SORCS1: variants seen among roughly 807,000 people sequenced by gnomAD.
SORCS1 encodes the protein VPS10 domain-containing receptor SorCS1.
In SORCS1, 60 loss-of-function variants were observed where a neutral mutation model predicts 146.1. That is an observed-to-expected ratio of 0.41 (90% confidence interval 0.33 to 0.51). The LOEUF (loss-of-function observed/expected upper bound fraction) is 0.51, where lower values mean the gene tolerates loss of function less well. SORCS1 is among the 20% of genes least tolerant of loss of function. The probability of loss-of-function intolerance (pLI) is 0.21; values close to 1 mark genes in which losing one functional copy is unlikely to be tolerated. For missense variants in SORCS1, 1,352 were observed against 1,487.6 expected, an observed-to-expected ratio of 0.91 and a Z score of 1.50; for synonymous variants, 637 against 584.0, an observed-to-expected ratio of 1.09 and a Z score of -1.31.
In SORCS1 at chr10:106,576,485, A is replaced by G. The variant is rs1844583949; in HGVS notation, c.*935T>C. The G allele has an allele frequency of 1.3e-5, 2 of 152,284 alleles. No homozygotes were observed. The highest frequency in any genetic ancestry group is 4.8e-5 in the African/African-American group (2 of 41,470). The allele number at this position is 152,284 out of a possible 1,614,324, so 9.4% of individuals were successfully genotyped here. On this transcript the variant is annotated 3_prime_UTR_variant, in exon 26 of 26. Coordinates refer to ENST00000263054, the MANE Select transcript of SORCS1 (RefSeq NM_052918.5). ...TGTGAAGACAGGACAATGGGTAACT[A>G]ATGGGATTCCATTTCCTACTGCAGT...
chr10:106,664,214 C>T (rs1589605980), intron 17 of SORCS1, among the ~76,000 whole-genome samples: 1 of 152,170 alleles, frequency 6.6e-6, no homozygotes, highest in South Asian at 2.1e-4. Flanking sequence ...ATTTATATAC[C>T]TGGATGCTTA....
intron 1 of SORCS1, among the ~76,000 whole-genome samples, chr10:107,113,699 A>G (rs1965843668): frequency 6.6e-6 from 1 of 151,256 alleles, no homozygotes; most frequent in South Asian, 2.1e-4. Context: ...CAAAAAAAAA[A>G]AAAAAAAAAG....
chr10:106,600,619 C>T (rs943834123), intron 23 of SORCS1: 19 of 985,194 alleles, frequency 1.9e-5, no homozygotes, highest in Non-Finnish European at 2.3e-5. Flanking sequence ...ATTATATATG[C>T]TGTGAACACT....
chr10:106,720,137 T>A (rs1422003707), intron 6 of SORCS1, among the ~76,000 whole-genome samples: 1 of 152,188 alleles, frequency 6.6e-6, no homozygotes, highest in African/African-American at 2.4e-5. Flanking sequence ...AAATACTTCA[T>A]GCATTTTTTA....
chr10:106,868,436 A>C (rs1213663659), intron 2 of SORCS1, among the ~76,000 whole-genome samples: 1 of 152,188 alleles, frequency 6.6e-6, no homozygotes, highest in Non-Finnish European at 1.5e-5. Flanking sequence ...AAAATCGACC[A>C]CATAACTGGA....
intron 23 of SORCS1, among the ~76,000 whole-genome samples, chr10:106,606,011 A>G (rs1412047068): frequency 6.6e-6 from 1 of 152,190 alleles, no homozygotes; most frequent in African/African-American, 2.4e-5. Flanking sequence ...GAAACAGCCA[A>G]TATTTACTTA....
At chr10:106,979,689 G>A (rs1347607170) in intron 1 of SORCS1, among the ~76,000 whole-genome samples, 1 of 152,104 alleles carries the variant, frequency 6.6e-6, no homozygotes, top group African/African-American at 2.4e-5. Flanking sequence ...GAAGGATATG[G>A]GCTCTCCATT....
intron 1 of SORCS1, among the ~76,000 whole-genome samples, chr10:107,146,855 T>C (rs1968372078): frequency 6.6e-6 from 1 of 152,126 alleles, no homozygotes; most frequent in African/African-American, 2.4e-5. Context: ...GAATAATGAT[T>C]GTGACTACTT....
At position 106,629,324 on chromosome 10, in the gene SORCS1, T is replaced by C. The variant is rs1393924583; in HGVS notation, c.2540A>G (p.Asn847Ser). The part of the protein sequence containing the change: ...FGDGIAVSYV[N>S]LSSMEDGIKH... ...GATCCCATCTTCCATGGAGCTGAGA[T>C]TGACGTAAGACACCGCGATACCATC... Residue 847 changes from asparagine (N) to serine (S), a missense_variant, in exon 19 of 26, where the codon AAT (asparagine) becomes AGT (serine). Physicochemically the swap from Asn to Ser is conservative, Grantham distance 46. This residue lies in a region of SORCS1 where 648 missense variants were observed against 793.8 expected (regional missense o/e 0.82). Transcript: ENST00000263054. 10 of 1,614,072 alleles carry C rather than the reference T, an allele frequency of 6.2e-6. No homozygotes were observed. The highest frequency in any genetic ancestry group is 2.2e-5 in the East Asian group (1 of 44,874).
At chr10:107,003,506 C>T (rs1288790754) in intron 1 of SORCS1, among the ~76,000 whole-genome samples, 2 of 151,132 alleles carry the variant, frequency 1.3e-5, no homozygotes, top group African/African-American at 2.4e-5. Flanking sequence ...TCTTAGCTAT[C>T]TCATACAACA....
intron 1 of SORCS1, among the ~76,000 whole-genome samples, chr10:107,041,992 T>C (rs1959168763): frequency 6.6e-6 from 1 of 152,188 alleles, no homozygotes; most frequent in South Asian, 2.1e-4. Flanking sequence ...ACTGAGTCCA[T>C]AATAAAGATT....
At chr10:106,826,575 G>A (rs1948315124) in intron 3 of SORCS1, among the ~76,000 whole-genome samples, 1 of 152,170 alleles carries the variant, frequency 6.6e-6, no homozygotes, top group African/African-American at 2.4e-5. Context: ...TATGTCCTTT[G>A]GGTGGGCGGA....
At chr10:106,912,046 G>A (rs1952186497) in intron 2 of SORCS1, among the ~76,000 whole-genome samples, 1 of 150,584 alleles carries the variant, frequency 6.6e-6, no homozygotes, top group Admixed American at 6.6e-5. Flanking sequence ...CCAAGAGGTG[G>A]AGCTTACAGT....
intron 23 of SORCS1, 39 bp from the exon 24 acceptor site, chr10:106,597,489 A>AC: frequency 3.4e-6 from 5 of 1,467,532 alleles, no homozygotes; most frequent in Non-Finnish European, 4.8e-6. Context: ...CAAAAGTGTC[A>AC]TACTGATTAT....
chr10:106,763,577 G>A (rs1287155667), intron 4 of SORCS1, among the ~76,000 whole-genome samples: 2 of 152,152 alleles, frequency 1.3e-5, no homozygotes, highest in African/African-American at 2.4e-5. Flanking sequence ...GCCCTGCTAC[G>A]CCTTCACTGA....
At chr10:106,689,207 A>T (rs928715286) in intron 9 of SORCS1, among the ~76,000 whole-genome samples, 4 of 152,194 alleles carry the variant, frequency 2.6e-5, no homozygotes, top group Non-Finnish European at 5.9e-5. Context: ...GTAATTAGTA[A>T]TTTGTCAAAC....
intron 4 of SORCS1, among the ~76,000 whole-genome samples, chr10:106,773,131 C>A (rs775370427): frequency 6.6e-6 from 1 of 152,234 alleles, no homozygotes; most frequent in Non-Finnish European, 1.5e-5. Context: ...TGTAAAACAG[C>A]ATCCAGCAGA....
chr10:106,789,955 G>T (rs1343301000), intron 3 of SORCS1, among the ~76,000 whole-genome samples: 2 of 152,330 alleles, frequency 1.3e-5, no homozygotes, highest in African/African-American at 2.4e-5. Flanking sequence ...GAAAGAAGAG[G>T]TGAGCAAGAG....
rs1413712214 is a variant in SORCS1 at position 107,081,449 on chromosome 10, T to C, written c.558+82520A>G. ...CCATTGTTGCATAGACCCACAAGAC[T>C]TTCCATTTAGAGAACTGTTCTCAAC... is the stretch of plus-strand genomic sequence containing the variant. On this transcript the variant is annotated intron_variant, in intron 1 of 25. Transcript: ENST00000263054. Among the ~76,000 whole-genome samples the C allele has an allele frequency of 2.6e-5, 4 of 152,196 alleles. No homozygotes were observed. In the South Asian group the frequency reaches 6.2e-4, roughly 24 times the overall value.
Sources: gnomAD v4.1 joint callset for allele counts (sites outside exome capture counted in the v4.1 genomes callset) on GRCh38, gnomAD v4.1.1 for gene constraint, gnomAD v4.1.1 regional missense constraint, MANE v1.5 for transcripts, NCBI Gene and HGNC (gene_info 2026-07-23, HGNC 2026-07-21) for gene names.